The following IAH1 variants were observed in gnomAD, a reference collection of about 807,000 sequenced individuals.
IAH1 encodes the protein isoamyl acetate-hydrolyzing esterase 1 homolog.
In IAH1, 24 loss-of-function variants were observed where a neutral mutation model predicts 26.7. The ratio of observed to expected loss-of-function variants is 0.90; its 90% CI spans 0.65 to 1.26. The LOEUF (loss-of-function observed/expected upper bound fraction) is 1.26, where lower values mean the gene tolerates loss of function less well. IAH1 is among the 50% of genes most tolerant of loss of function. The pLI, the probability that IAH1 is intolerant of heterozygous loss-of-function variation, is 0.00. For synonymous variants in IAH1, 140 were observed against 118.5 expected, an observed-to-expected ratio of 1.18 and a Z score of -1.18; for missense variants, 300 against 299.9, an observed-to-expected ratio of 1.00 and a Z score of 0.00.
At position 9,478,377 on chromosome 2, in the gene IAH1, G is replaced by A. The variant is rs1331499883; in HGVS notation, c.283+7G>A. On this transcript the variant is annotated splice_region_variant and intron_variant, in intron 3 of 5. Coordinates refer to ENST00000497473, the MANE Select transcript of IAH1 (RefSeq NM_001039613.3). ...AATGACAGTGCACTAAAAGGTAAAA[G>A]CATTTTTGATGTTCTTCTAGCTCAC... The A allele has an allele frequency of 1.9e-6, 3 of 1,581,940 alleles. No individual in the cohort carries two copies. Among genetic ancestry groups the A allele is most frequent in the East Asian group, 2.3e-5 (1 of 44,096 alleles).
At chr2:9,494,302 C>T (rs185316330), downstream of IAH1, among the ~76,000 whole-genome samples, 41 of 152,208 alleles carry the variant, frequency 2.7e-4, no homozygotes, top group African/African-American at 9.2e-4. Flanking sequence ...AAAATCACAC[C>T]CTGAATAATT....
At chr2:9,512,396 G>A in the IAH1 span, 4 of 151,990 alleles carry the variant, frequency 2.6e-5, no homozygotes, top group South Asian at 2.1e-4. Flanking sequence ...AAGTAAAAGC[G>A]TGAGCTACTG....
At position 9,474,551 on chromosome 2, in the gene IAH1, C is replaced by T; in HGVS notation, c.-16C>T. The T allele has an allele frequency of 6.9e-7, 1 of 1,458,126 alleles. No individual in the cohort carries two copies. Among genetic ancestry groups the T allele is most frequent in the Non-Finnish European group, 9.0e-7 (1 of 1,107,534 alleles). 90.3% of individuals were successfully genotyped at this position (1,458,126 alleles called of 1,614,324 possible). A position where few individuals can be genotyped will look rare whatever the true frequency, so the allele number is the denominator to read the frequency against. On this transcript the variant is annotated 5_prime_UTR_variant, in exon 1 of 6. Transcript: ENST00000497473. This position sits in a 1 kb window ranked among gnomAD's most constrained non-coding sequence, Gnocchi z 4.3. ...CTCGTGGCTGGCGGCCCCGCCCCGC[C>T]CCGCCCGGCTGCTCCATGGCGCTGT...
the IAH1 span, among the ~76,000 whole-genome samples, chr2:9,503,531 T>A: frequency 4.6e-5 from 7 of 152,334 alleles, no homozygotes; most frequent in East Asian, 3.9e-4. Context: ...TTAAATCTTA[T>A]CTCTGTTGCC....
downstream of IAH1, chr2:9,489,773 A>G (rs529615832): frequency 6.6e-6 from 1 of 151,730 alleles, no homozygotes; most frequent in Non-Finnish European, 1.5e-5. Context: ...CATCACAAAT[A>G]AATGCCAAAT....
At chr2:9,477,633 G>C (rs989449693) in intron 2 of IAH1, among the ~76,000 whole-genome samples, 3 of 151,022 alleles carry the variant, frequency 2.0e-5, no homozygotes, top group Non-Finnish European at 4.4e-5. Flanking sequence ...TAGTCACACA[G>C]GGAGCCGAGA....
chr2:9,494,905 C>T, intron 6 of IAH1: 1 of 1,026,540 alleles, frequency 9.7e-7, no homozygotes, highest in Non-Finnish European at 1.4e-6. Flanking sequence ...TAATACTATC[C>T]ATAGCCCCCA....
chr2:9,476,150 C>A, intron 2 of IAH1, 111 bp downstream of exon 2: 3 of 882,660 alleles, frequency 3.4e-6, no homozygotes, highest in East Asian at 2.6e-5. Context: ...ATTAATTTTG[C>A]TTGCCTCCCC....
At chr2:9,489,814 TAAAAA>T (rs5829218), downstream of IAH1, 1 of 156,064 alleles carries the variant, frequency 6.4e-6, no homozygotes. Context: ...TTACAGTGTA[TAAAAA>T]AAAACTGATC....
intron 4 of IAH1, 117 bp from the exon 5 acceptor site, chr2:9,484,315 C>A: frequency 3.7e-6 from 3 of 816,638 alleles, no homozygotes; most frequent in Non-Finnish European, 6.3e-6. Flanking sequence ...GGGGCTGGCC[C>A]AAGTGGGGTC....
chr2:9,505,271 T>A, the IAH1 span: 1 of 1,612,692 alleles, frequency 6.2e-7, no homozygotes, highest in Non-Finnish European at 8.5e-7. Context: ...CACCCTCGAG[T>A]TCCCACAAAC....
intron 5 of IAH1, 174 bp downstream of exon 5, chr2:9,484,724 C>A: frequency 1.8e-6 from 1 of 564,306 alleles, no homozygotes; most frequent in South Asian, 2.1e-5. Flanking sequence ...CAGGATGGCT[C>A]ACAAGCCCAG....
intron 3 of IAH1, chr2:9,480,766 G>A (rs1661122477): frequency 6.5e-6 from 1 of 152,832 alleles, no homozygotes; most frequent in African/African-American, 2.4e-5. Context: ...TGCAATAATA[G>A]TAGTATTCGT....
chr2:9,490,370 G>A, downstream of IAH1: 2 of 1,614,182 alleles, frequency 1.2e-6, no homozygotes, highest in Non-Finnish European at 1.7e-6. Context: ...TTCCTGGATG[G>A]TGTCCATTCT....
In IAH1 at chr2:9,488,225, T is replaced by C; in HGVS notation, c.643T>C (p.Leu215=). The C allele has an allele frequency of 1.9e-6, 3 of 1,613,654 alleles. No individual in the cohort carries two copies. The highest frequency in any genetic ancestry group is 2.5e-6 in the Non-Finnish European group (3 of 1,179,758). ...ATTTTTGTTCTCGCATCTCTGGCCT[T>C]TGATAGAGAAAAAGGTCTCTTCTCT... ...NEFLFSHLWP[L]IEKKVSSLPL... Residue 215 remains leucine, a synonymous_variant, in exon 6 of 6, where the codon TTG becomes CTG. Coordinates refer to ENST00000497473, the MANE Select transcript of IAH1 (RefSeq NM_001039613.3).
At chr2:9,502,056 C>A in the IAH1 span, 152 of 897,706 alleles carry the variant, frequency 1.7e-4, no homozygotes, top group African/African-American at 2.4e-3. Flanking sequence ...GAAACTCAAC[C>A]CGGCATATGA....
At chr2:9,475,041 GGCCAGCTCCGGGCAGAGGC>G in intron 1 of IAH1, 5 of 1,140,332 alleles carry the variant, frequency 4.4e-6, no homozygotes, top group Non-Finnish European at 5.5e-6. Context: ...GAGGCCCCGC[GGCCAGCTCCGGGCAGAGGC>G]GCCAGGAGCT....
chr2:9,502,156 G>C, the IAH1 span: 1 of 1,603,694 alleles, frequency 6.2e-7, no homozygotes, highest in African/African-American at 1.3e-5. Context: ...TTCCAAGGAA[G>C]CAACAAGAAC....
intron 4 of IAH1, among the ~76,000 whole-genome samples, chr2:9,481,979 T>C (rs9808331): frequency 0.077 from 11,678 of 152,070 alleles, 1,164 homozygotes; most frequent in African/African-American, 0.21. Context: ...AAACCTGTGT[T>C]GTTCAAGGGT....
Sources: gnomAD v4.1 joint callset for allele counts (sites outside exome capture counted in the v4.1 genomes callset) on GRCh38, gnomAD v4.1.1 for gene constraint, Gnocchi (gnomAD v3.1) non-coding constraint, MANE v1.5 for transcripts, NCBI Gene and HGNC (gene_info 2026-07-23, HGNC 2026-07-21) for gene names.